Variants in UBE2F observed in about 807,000 individuals in gnomAD.
The protein encoded by UBE2F is NEDD8-conjugating enzyme UBE2F.
Under a neutral mutation model 29.6 loss-of-function variants are expected in UBE2F, and 5 were observed. That is an observed-to-expected ratio of 0.17 (90% confidence interval 0.09 to 0.36). UBE2F has a LOEUF of 0.36. UBE2F is among the 10% of genes least tolerant of loss of function. The pLI, the probability that UBE2F is intolerant of heterozygous loss-of-function variation, is 1.00. For synonymous variants in UBE2F, 66 were observed against 81.8 expected, an observed-to-expected ratio of 0.81 and a Z score of 1.04; for missense variants, 141 against 228.5, an observed-to-expected ratio of 0.62 and a Z score of 2.47.
chr2:238,025,108 C>T (rs2064389178), intron 5 of UBE2F, among the ~76,000 whole-genome samples: 1 of 152,154 alleles, frequency 6.6e-6, no homozygotes, highest in Non-Finnish European at 1.5e-5. Flanking sequence ...GCTCAGAAGC[C>T]CACGGGTAGA....
chr2:238,015,025 G>C (rs1394975672), intron 4 of UBE2F, among the ~76,000 whole-genome samples: 1 of 152,110 alleles, frequency 6.6e-6, no homozygotes, highest in African/African-American at 2.4e-5. Context: ...TAAGCAACCA[G>C]TTAGGAAAAA....
In UBE2F at chr2:238,041,429, C is replaced by A; in HGVS notation, c.*91C>A. ...GGTAGCCCCCTCTCCCGTCCTCATG[C>A]TCCCTCTCAGTCCCCTGGATTGCCC... On this transcript the variant is annotated 3_prime_UTR_variant, in exon 10 of 10. Transcript: ENST00000272930. 2 of 1,372,974 alleles carry A rather than the reference C, an allele frequency of 1.5e-6. No individual in the cohort carries two copies. Among genetic ancestry groups the A allele is most frequent in the Non-Finnish European group, 2.1e-6 (2 of 968,512 alleles). The allele number at this position is 1,372,974 out of a possible 1,614,324, so 85.0% of individuals were successfully genotyped here. A position where few individuals can be genotyped will look rare whatever the true frequency, so the allele number is the denominator to read the frequency against.
intron 2 of UBE2F, among the ~76,000 whole-genome samples, chr2:237,977,633 G>A (rs547868003): frequency 1.5e-4 from 23 of 152,288 alleles, no homozygotes; most frequent in African/African-American, 5.3e-4. Flanking sequence ...ATCCTCTGGG[G>A]AGTTATGGCG....
intron 2 of UBE2F, among the ~76,000 whole-genome samples, chr2:237,985,809 C>T (rs1289972320): frequency 6.6e-6 from 1 of 152,132 alleles, no homozygotes; most frequent in Non-Finnish European, 1.5e-5. Context: ...AGTTTACAGC[C>T]CTGCTATCAG....
intron 3 of UBE2F, chr2:237,990,412 T>TC (rs1376673055): frequency 2.2e-6 from 1 of 459,208 alleles, no homozygotes; most frequent in Non-Finnish European, 4.4e-6. Context: ...CCTTTTTTTT[T>TC]TTTTTTAATA....
At chr2:237,979,330 G>A (rs577848667) in intron 2 of UBE2F, among the ~76,000 whole-genome samples, 1 of 152,220 alleles carries the variant, frequency 6.6e-6, no homozygotes, top group South Asian at 2.1e-4. Context: ...GCCTCTCTCT[G>A]TGAGGGTGCC....
At chr2:238,034,258 C>G (rs2064652990) in intron 8 of UBE2F, among the ~76,000 whole-genome samples, 1 of 151,262 alleles carries the variant, frequency 6.6e-6, no homozygotes, top group African/African-American at 2.4e-5. Flanking sequence ...GAAATCTCAC[C>G]TCTACTAAAA....
intron 3 of UBE2F, chr2:237,990,611 A>G (rs539273580): frequency 5.8e-4 from 109 of 186,450 alleles, no homozygotes; most frequent in Non-Finnish European, 2.7e-4. Flanking sequence ...TATACAAAAA[A>G]TCAGCCAGGC....
At chr2:238,013,473 A>G (rs2106379391) in intron 4 of UBE2F, among the ~76,000 whole-genome samples, 1 of 151,132 alleles carries the variant, frequency 6.6e-6, no homozygotes, top group African/African-American at 2.4e-5. Context: ...ATTCTAGTAC[A>G]GGGGGAGATG....
At chr2:238,032,199 TTC>T in intron 7 of UBE2F, 21 bp from the exon 8 acceptor site, 1 of 1,609,510 alleles carries the variant, frequency 6.2e-7, no homozygotes, top group African/African-American at 1.3e-5. Flanking sequence ...AAAACTTGTT[TTC>T]TGTTTTCTTT....
At chr2:238,006,759 C>CTTTTTTTTTTTTTTTTTTTTTTTT (rs60514924) in intron 4 of UBE2F, among the ~76,000 whole-genome samples, 35 of 125,554 alleles carry the variant, frequency 2.8e-4, no homozygotes, top group African/African-American at 9.4e-4. Flanking sequence ...TTTCTTTTTT[C>CTTTTTTTTTTTTTTTTTTTTTTTT]TTTTTTTTTT....
chr2:237,995,200 T>A (rs896522735), intron 4 of UBE2F, among the ~76,000 whole-genome samples: 18 of 152,168 alleles, frequency 1.2e-4, no homozygotes, highest in African/African-American at 3.9e-4. Flanking sequence ...TGGGATCAAA[T>A]AGGACCTATC....
intron 2 of UBE2F, among the ~76,000 whole-genome samples, chr2:237,975,320 G>A (rs2063259703): frequency 6.6e-6 from 1 of 151,848 alleles, no homozygotes. Flanking sequence ...ATGTTGCCCA[G>A]GCTGGTCTTG....
chr2:237,973,837 C>A, intron 2 of UBE2F: 3 of 500,552 alleles, frequency 6.0e-6, no homozygotes, highest in Non-Finnish European at 8.1e-6. Flanking sequence ...TATGTTTGAG[C>A]ATAAATTTTG....
In UBE2F at chr2:238,042,429, C is replaced by T. The variant is rs571761193; in HGVS notation, c.*1091C>T. ...CTCCAGGCCCTGCCGGTGGGGTGAGCCTCCTAGGCCTTGGAGGACCAGGAG... is the reference window on the plus strand; with the variant it reads ...CTCCAGGCCCTGCCGGTGGGGTGAGTCTCCTAGGCCTTGGAGGACCAGGAG... On this transcript the variant is annotated 3_prime_UTR_variant, in exon 10 of 10. Transcript: ENST00000272930. 6.6e-6 allele frequency: 1 copy of T among 152,370 alleles called. No homozygotes were observed. The highest frequency in any genetic ancestry group is 2.1e-4 in the South Asian group (1 of 4,830). 9.4% of individuals were successfully genotyped at this position (152,370 alleles called of 1,614,324 possible).
intron 8 of UBE2F, among the ~76,000 whole-genome samples, chr2:238,033,215 T>G (rs184073269): frequency 1.3e-5 from 2 of 152,360 alleles, no homozygotes; most frequent in Admixed American, 1.3e-4. Context: ...TGCTGAAGTT[T>G]GCTGTTCTCA....
At chr2:238,029,384 CGAGA>C (rs2064516592) in intron 6 of UBE2F, among the ~76,000 whole-genome samples, 2 of 151,908 alleles carry the variant, frequency 1.3e-5, no homozygotes, top group Non-Finnish European at 2.9e-5. Context: ...GTCAGGAGAT[CGAGA>C]CCATCCTGGT....
intron 8 of UBE2F, among the ~76,000 whole-genome samples, chr2:238,032,878 G>A (rs138531053): frequency 3.6e-4 from 55 of 152,328 alleles, no homozygotes; most frequent in African/African-American, 1.3e-3. Context: ...TGGGGAATGA[G>A]GGGACTTTGG....
intron 8 of UBE2F, chr2:238,035,537 G>T: frequency 5.3e-6 from 1 of 187,378 alleles, no homozygotes; most frequent in African/African-American, 2.3e-5. Context: ...ATTTTTATTT[G>T]GAAATGCTTA....
Sources: allele counts gnomAD v4.1 joint callset (sites outside exome capture counted in the v4.1 genomes callset), GRCh38; gene constraint gnomAD v4.1.1; transcripts MANE v1.5; gene names NCBI Gene and HGNC (gene_info 2026-07-23, HGNC 2026-07-21).